ZBTB20: variants seen among roughly 807,000 people sequenced by gnomAD.
ZBTB20 encodes the protein zinc finger and BTB domain containing 20, also known as zinc finger and BTB domain-containing protein 20.
A neutral mutation model predicts 56.9 loss-of-function variants in ZBTB20; 9 were observed. The ratio of observed to expected loss-of-function variants is 0.16; its 90% CI spans 0.10 to 0.28. ZBTB20 has a LOEUF of 0.28. ZBTB20 is among the 10% of genes least tolerant of loss of function. The probability of loss-of-function intolerance (pLI) is 1.00; values close to 1 mark genes in which losing one functional copy is unlikely to be tolerated. For missense variants in ZBTB20, 655 were observed against 1,003.0 expected (o/e 0.65, Z 4.69); for synonymous variants, 417 against 420.7 (o/e 0.99, Z 0.11).
intron 2 of ZBTB20, among the ~76,000 whole-genome samples, chr3:115,070,688 T>C (rs2082378621): frequency 6.6e-6 from 1 of 152,052 alleles, no homozygotes; most frequent in Non-Finnish European, 1.5e-5. Context: ...CTTTCTTTAA[T>C]TAGAAATTGT....
chr3:115,131,952 TTGTAATA>T (rs2084518739), intron 1 of ZBTB20, among the ~76,000 whole-genome samples: 1 of 152,186 alleles, frequency 6.6e-6, no homozygotes, highest in African/African-American at 2.4e-5. Flanking sequence ...TGAGCTGACT[TTGTAATA>T]TGTTCTGGTA....
At chr3:114,920,684 C>G (rs1450908266) in intron 3 of ZBTB20, among the ~76,000 whole-genome samples, 1 of 151,634 alleles carries the variant, frequency 6.6e-6, no homozygotes, top group Non-Finnish European at 1.5e-5. Flanking sequence ...TAACTTCACA[C>G]CTCAAAAAAT....
chr3:114,972,018 T>G (rs772888282), intron 3 of ZBTB20, among the ~76,000 whole-genome samples: 1 of 152,218 alleles, frequency 6.6e-6, no homozygotes, highest in Admixed American at 6.5e-5. Context: ...CACTGAAGAA[T>G]GTTTTCCCTT....
chr3:114,364,131 T>C (rs2082156121), intron 10 of ZBTB20, among the ~76,000 whole-genome samples: 1 of 152,130 alleles, frequency 6.6e-6, no homozygotes, highest in Non-Finnish European at 1.5e-5. Context: ...TTTCAGTACA[T>C]AAATTATCAA....
chr3:114,987,466 T>C (rs555554715), intron 2 of ZBTB20, among the ~76,000 whole-genome samples: 13 of 152,290 alleles, frequency 8.5e-5, no homozygotes, highest in African/African-American at 2.2e-4. Context: ...GGAAAGATTC[T>C]TTCTCTTTCC....
chr3:114,581,180 A>G (rs1223448194), intron 6 of ZBTB20, among the ~76,000 whole-genome samples: 1 of 152,062 alleles, frequency 6.6e-6, no homozygotes, highest in Non-Finnish European at 1.5e-5. Flanking sequence ...AAGAATGACT[A>G]ATTTTTTAAA....
intron 4 of ZBTB20, among the ~76,000 whole-genome samples, chr3:114,830,553 T>A (rs1213313103): frequency 6.6e-6 from 1 of 151,864 alleles, no homozygotes; most frequent in East Asian, 1.9e-4. Flanking sequence ...GAGCACTTAT[T>A]ATGTGCCTGG....
At chr3:114,761,379 C>T (rs1038482243) in intron 5 of ZBTB20, among the ~76,000 whole-genome samples, 5 of 151,942 alleles carry the variant, frequency 3.3e-5, no homozygotes, top group African/African-American at 9.7e-5. Context: ...GTACTATTAC[C>T]ACCTCCATTT....
At chr3:114,840,562 T>C (rs960713039) in intron 4 of ZBTB20, among the ~76,000 whole-genome samples, 2 of 152,196 alleles carry the variant, frequency 1.3e-5, no homozygotes, top group African/African-American at 4.8e-5. Context: ...GCCAGAGTAT[T>C]AGTAGAAAAT....
intron 2 of ZBTB20, among the ~76,000 whole-genome samples, chr3:115,001,833 T>C (rs2079263791): frequency 6.6e-6 from 1 of 151,508 alleles, no homozygotes. Context: ...CAATTTAATT[T>C]TTAGATTCAA....
At chr3:114,405,166 G>A (rs986830986) in intron 7 of ZBTB20, among the ~76,000 whole-genome samples, 1 of 152,064 alleles carries the variant, frequency 6.6e-6, no homozygotes, top group Admixed American at 6.6e-5. Flanking sequence ...AGCCATGTAC[G>A]GGAGGAATTG....
At chr3:114,817,394 TG>T (rs1322243855) in intron 4 of ZBTB20, among the ~76,000 whole-genome samples, 3 of 152,006 alleles carry the variant, frequency 2.0e-5, no homozygotes, top group Non-Finnish European at 4.4e-5. Context: ...GGCACATGCC[TG>T]TAATCCGAGC....
chr3:114,481,123 G>C (rs897011667), intron 7 of ZBTB20, among the ~76,000 whole-genome samples: 2 of 151,954 alleles, frequency 1.3e-5, no homozygotes, highest in Non-Finnish European at 1.5e-5. Flanking sequence ...CCAATATAGA[G>C]ATAATATATT....
intron 6 of ZBTB20, among the ~76,000 whole-genome samples, chr3:114,675,864 G>A (rs990576327): frequency 3.3e-5 from 5 of 151,162 alleles, no homozygotes; most frequent in African/African-American, 4.8e-5. Flanking sequence ...AACAACAGCA[G>A]TAACAATAAC....
At chr3:114,552,858 T>C (rs2110209104) in intron 6 of ZBTB20, among the ~76,000 whole-genome samples, 1 of 152,366 alleles carries the variant, frequency 6.6e-6, no homozygotes, top group Admixed American at 6.5e-5. Flanking sequence ...GTGATACATG[T>C]GAAGAAGGTG....
chr3:115,031,637 G>T (rs1412937383), intron 2 of ZBTB20, among the ~76,000 whole-genome samples: 1 of 151,238 alleles, frequency 6.6e-6, no homozygotes, highest in Non-Finnish European at 1.5e-5. Context: ...GACAGTCCAT[G>T]CAAACAACTA....
chr3:115,032,583 G>A (rs780307999), intron 2 of ZBTB20, among the ~76,000 whole-genome samples: 14 of 151,294 alleles, frequency 9.3e-5, no homozygotes, highest in Non-Finnish European at 1.5e-4. Flanking sequence ...AACAGAATAC[G>A]CAATCTTCTC....
chr3:115,056,933 C>G (rs2081816099), intron 2 of ZBTB20, among the ~76,000 whole-genome samples: 2 of 152,122 alleles, frequency 1.3e-5, no homozygotes, highest in South Asian at 4.1e-4. Context: ...AGGTTTGTGT[C>G]TAATGAGAGC....
chr3:114,614,568 T>A (rs1266163525), intron 6 of ZBTB20, among the ~76,000 whole-genome samples: 2 of 152,212 alleles, frequency 1.3e-5, no homozygotes, highest in African/African-American at 4.8e-5. Flanking sequence ...CAAACCCTGA[T>A]AATTCTGCTG....
Sources: allele counts gnomAD v4.1 joint callset (sites outside exome capture counted in the v4.1 genomes callset), GRCh38; gene constraint gnomAD v4.1.1; transcripts MANE v1.5; gene names NCBI Gene and HGNC (gene_info 2026-07-23, HGNC 2026-07-21).